Variants in ARFGAP3 observed in about 807,000 individuals in gnomAD.
ARFGAP3 encodes ARF GTPase activating protein 3, also known as ADP-ribosylation factor GTPase-activating protein 3.
ARFGAP3 carries 72 observed loss-of-function variants against 75.0 expected under a neutral mutation model. The ratio of observed to expected loss-of-function variants is 0.96; its 90% CI spans 0.79 to 1.17. The LOEUF (loss-of-function observed/expected upper bound fraction) is 1.17. Among genes scored for constraint, ARFGAP3 ranks in the 50% most tolerant of loss-of-function variants. ARFGAP3 has a pLI of 0.00. For missense variants in ARFGAP3, 620 were observed against 626.6 expected (o/e 0.99, Z 0.11); for synonymous variants, 221 against 217.9 (o/e 1.01, Z -0.13).
chr22:42,806,661 C>G (rs1191336824), intron 14 of ARFGAP3, among the ~76,000 whole-genome samples: 1 of 152,226 alleles, frequency 6.6e-6, no homozygotes, highest in African/African-American at 2.4e-5. Flanking sequence ...GTTTTATCCA[C>G]CCCCGTTACA....
chr22:42,847,908 A>AG (rs1927092576), intron 1 of ARFGAP3, among the ~76,000 whole-genome samples: 2 of 151,346 alleles, frequency 1.3e-5, no homozygotes, highest in African/African-American at 4.8e-5. Flanking sequence ...TCTGTCACCC[A>AG]GGCTGGAGTG....
At chr22:42,831,792 T>C in intron 5 of ARFGAP3, 156 bp from the exon 6 acceptor site, 2 of 1,414,866 alleles carry the variant, frequency 1.4e-6, no homozygotes. Flanking sequence ...TTGCTTTCTT[T>C]TTTTTTTAGA....
intron 6 of ARFGAP3, among the ~76,000 whole-genome samples, chr22:42,831,265 C>T (rs911827045): frequency 1.5e-4 from 21 of 142,796 alleles, no homozygotes; most frequent in African/African-American, 4.8e-4. Context: ...CCAGCCTCGG[C>T]TACAGAGCAA....
chr22:42,800,434 G>T (rs188232265), intron 14 of ARFGAP3, among the ~76,000 whole-genome samples: 1 of 152,348 alleles, frequency 6.6e-6, no homozygotes, highest in African/African-American at 2.4e-5. Flanking sequence ...GGGAGGCTGA[G>T]GCAGGAGAAT....
At chr22:42,808,720 T>A in intron 13 of ARFGAP3, 47 bp downstream of exon 13, 1 of 1,492,070 alleles carries the variant, frequency 6.7e-7, no homozygotes, top group East Asian at 2.3e-5. Context: ...CACCCACACT[T>A]CCTTCCTGCA....
At position 42,822,357 on chromosome 22, in the gene ARFGAP3, A is replaced by G. The variant is rs1925848732; in HGVS notation, c.725T>C (p.Phe242Ser). The G allele has an allele frequency of 1.2e-6, 2 of 1,614,044 alleles. No homozygotes were observed. The highest frequency in any genetic ancestry group is 1.7e-6 in the Non-Finnish European group (2 of 1,180,036). Residue 242 changes from phenylalanine to serine, a missense_variant, in exon 9 of 16, where the codon TTT (phenylalanine) becomes TCT (serine). Physicochemically the swap from Phe to Ser is radical, Grantham distance 155. Transcript: ENST00000263245. The stretch of plus-strand genomic sequence containing the variant: ...TTGAGCTTGTTTTTCAATTTCATTA[A>G]AGCATGTGTTTGCCAGTTTCTGAGC... Reference protein sequence around the residue: ...LGAQKLANTCFNEIEKQAQAA... With the variant: ...LGAQKLANTCSNEIEKQAQAA...
At chr22:42,829,844 T>C (rs1353176880) in intron 6 of ARFGAP3, among the ~76,000 whole-genome samples, 1 of 152,254 alleles carries the variant, frequency 6.6e-6, no homozygotes, top group Non-Finnish European at 1.5e-5. Flanking sequence ...CATGTAAATC[T>C]TTGAACTACC....
At chr22:42,838,126 T>C (rs902238403) in intron 3 of ARFGAP3, among the ~76,000 whole-genome samples, 4 of 151,924 alleles carry the variant, frequency 2.6e-5, no homozygotes, top group African/African-American at 9.7e-5. Flanking sequence ...AGGGAAACAT[T>C]GGATCCAATT....
intron 1 of ARFGAP3, among the ~76,000 whole-genome samples, chr22:42,848,198 G>C (rs1237286653): frequency 6.6e-6 from 1 of 150,866 alleles, no homozygotes; most frequent in Admixed American, 6.6e-5. Flanking sequence ...TACAGATTAT[G>C]TTATATATAT....
chr22:42,801,826 C>T (rs1390282780), intron 14 of ARFGAP3, among the ~76,000 whole-genome samples: 4 of 152,098 alleles, frequency 2.6e-5, no homozygotes, highest in Admixed American at 6.5e-5. Flanking sequence ...TGGTCTTGCC[C>T]TCAGTGTAAG....
Position 42,826,842 on chromosome 22 carries a change from C to T in ARFGAP3, c.625+98G>A, listed in dbSNP as rs77489677. ...CAGATTCGGTCATGATTATATTACT[C>T]CGTCAGGTGAGATGCCCAGGCCAAA... On this transcript the variant is annotated intron_variant, in intron 7 of 15. Transcript: ENST00000263245. 2,425 of 880,846 alleles carry T rather than the reference C, an allele frequency of 2.8e-3. 45 individuals are homozygous for T. The African/African-American group carries it at 0.036, about 13-fold the overall frequency. The allele number at this position is 880,846 out of a possible 1,614,324, so 54.6% of individuals were successfully genotyped here.
At chr22:42,817,417 G>T in intron 10 of ARFGAP3, 153 bp from the exon 11 acceptor site, 2 of 685,266 alleles carry the variant, frequency 2.9e-6, no homozygotes, top group Non-Finnish European at 3.6e-6. Flanking sequence ...TCTGGTGCAA[G>T]CTTTCAAAAA....
chr22:42,822,363 G>C lies in ARFGAP3; in HGVS notation c.719C>G (p.Thr240Arg). The change falls in exon 9 of 16, where the codon ACA becomes AGA. Residue 240 changes from threonine (T) to arginine (R), a missense_variant. By Grantham distance (71) the Thr-to-Arg change is moderately conservative (BLOSUM62 -1). Transcript: ENST00000263245. ...TTGTTTTTCAATTTCATTAAAGCAT[G>C]TGTTTGCCAGTTTCTGAGCTCCCAA... is the stretch of plus-strand genomic sequence containing the variant. Reference protein sequence around the residue: ...GSLGAQKLANTCFNEIEKQAQ... With the variant: ...GSLGAQKLANRCFNEIEKQAQ... 6.2e-7 allele frequency: 1 copy of C among 1,614,068 alleles called. No individual in the cohort carries two copies. Among genetic ancestry groups the C allele is most frequent in the Non-Finnish European group, 8.5e-7 (1 of 1,180,010 alleles).
chr22:42,842,071 C>A (rs1926807440), intron 2 of ARFGAP3, among the ~76,000 whole-genome samples: 1 of 133,472 alleles, frequency 7.5e-6, no homozygotes, highest in South Asian at 2.5e-4. Context: ...ATGGTGCGAT[C>A]TTGACTCACC....
At chr22:42,838,186 AG>A (rs1341664950) in intron 3 of ARFGAP3, among the ~76,000 whole-genome samples, 1 of 151,786 alleles carries the variant, frequency 6.6e-6, no homozygotes, top group Non-Finnish European at 1.5e-5. Context: ...GGGACAACGA[AG>A]AAAAAAGATT....
chr22:42,806,138 A>AG (rs1257331621), intron 14 of ARFGAP3, among the ~76,000 whole-genome samples: 1 of 152,176 alleles, frequency 6.6e-6, no homozygotes, highest in Non-Finnish European at 1.5e-5. Flanking sequence ...AGGGATGCTG[A>AG]GGGTGCCAGG....
rs73435309 is a variant in ARFGAP3, at chr22:42,853,795, G to A, written c.69+3319C>T. ...AGGACCATTTTTTCCTTGAGGCACTGGCATCCTGCTGCCTGGATACTTTTG... is the reference window on the plus strand; with the variant it reads ...AGGACCATTTTTTCCTTGAGGCACTAGCATCCTGCTGCCTGGATACTTTTG... On this transcript the variant is annotated intron_variant, in intron 1 of 15. Transcript: ENST00000263245. 1,661 of 168,088 alleles carry A rather than the reference G, an allele frequency of 9.9e-3. 23 individuals are homozygous for A. Among genetic ancestry groups the A allele is most frequent in the African/African-American group, 0.037 (1,522 of 41,660 alleles). 10.4% of individuals were successfully genotyped at this position (168,088 alleles called of 1,614,324 possible). A position where few individuals can be genotyped will look rare whatever the true frequency, so the allele number is the denominator to read the frequency against.
chr22:42,797,547 A>T lies in ARFGAP3; in HGVS notation c.*41T>A, dbSNP rs1159150601. On this transcript the variant is annotated 3_prime_UTR_variant, in exon 16 of 16. Coordinates refer to ENST00000263245, the MANE Select transcript of ARFGAP3 (RefSeq NM_014570.5). The stretch of plus-strand genomic sequence containing the variant: ...TGAGATGTGGTTACTTGTTCATTTA[A>T]AGAGGAATTTCTCCAGGAAATACAC... The T allele has an allele frequency of 1.9e-6, 3 of 1,613,792 alleles. No individual in the cohort carries two copies. Among genetic ancestry groups the T allele is most frequent in the Non-Finnish European group, 2.5e-6 (3 of 1,179,842 alleles).
intron 11 of ARFGAP3, among the ~76,000 whole-genome samples, chr22:42,812,230 A>T (rs1925398853): frequency 6.7e-6 from 1 of 149,868 alleles, no homozygotes; most frequent in African/African-American, 2.4e-5. Context: ...GTCTCAAAAA[A>T]AAAAAAAAAA....
Sources: allele counts gnomAD v4.1 joint callset (sites outside exome capture counted in the v4.1 genomes callset), GRCh38; gene constraint gnomAD v4.1.1; transcripts MANE v1.5; gene names NCBI Gene and HGNC (gene_info 2026-07-23, HGNC 2026-07-21).